WDFY2: variants seen among roughly 807,000 people sequenced by gnomAD.
The protein encoded by WDFY2 is WD repeat and FYVE domain-containing protein 2.
In WDFY2, 36 loss-of-function variants were observed where a neutral mutation model predicts 56.4. The ratio of observed to expected loss-of-function variants is 0.64; its 90% CI spans 0.49 to 0.84. The LOEUF is 0.84. Ranked by LOEUF, WDFY2 falls within the 40% of genes least tolerant of loss-of-function variation. WDFY2 has a pLI of 0.00. For missense variants in WDFY2, 444 were observed against 512.2 expected, an observed-to-expected ratio of 0.87 and a Z score of 1.29; for synonymous variants, 176 against 183.7, an observed-to-expected ratio of 0.96 and a Z score of 0.34.
chr13:51,703,105 C>T (rs968740437), intron 3 of WDFY2, among the ~76,000 whole-genome samples: 3 of 152,222 alleles, frequency 2.0e-5, no homozygotes, highest in South Asian at 2.1e-4. Flanking sequence ...GTACTGTGCC[C>T]GGTGTCCTGG....
At chr13:51,678,885 A>G (rs910117022) in intron 3 of WDFY2, among the ~76,000 whole-genome samples, 2 of 152,186 alleles carry the variant, frequency 1.3e-5, no homozygotes, top group African/African-American at 4.8e-5. Flanking sequence ...GTGGGAGATA[A>G]TGGTCTAGGG....
intron 1 of WDFY2, among the ~76,000 whole-genome samples, chr13:51,642,103 T>G (rs1316458313): frequency 6.6e-6 from 1 of 152,146 alleles, no homozygotes; most frequent in Non-Finnish European, 1.5e-5. Flanking sequence ...TATCTATATC[T>G]TAGACCTTTT....
intron 1 of WDFY2, among the ~76,000 whole-genome samples, chr13:51,608,636 G>A (rs1000081347): frequency 1.3e-5 from 2 of 152,114 alleles, no homozygotes; most frequent in African/African-American, 2.4e-5. Context: ...AGACGAGCTC[G>A]CACCACTGCA....
chr13:51,695,622 G>A (rs558261481), intron 3 of WDFY2, among the ~76,000 whole-genome samples: 16 of 152,330 alleles, frequency 1.1e-4, no homozygotes, highest in East Asian at 1.9e-4. Flanking sequence ...TAGGCTGCTC[G>A]GGGGTCAGGG....
chr13:51,656,350 G>A (rs937848863), intron 1 of WDFY2, among the ~76,000 whole-genome samples: 7 of 151,914 alleles, frequency 4.6e-5, no homozygotes, highest in Non-Finnish European at 7.4e-5. Flanking sequence ...TATACGTGGA[G>A]AAGATACTTT....
intron 3 of WDFY2, among the ~76,000 whole-genome samples, chr13:51,691,862 T>C (rs1418392681): frequency 1.2e-4 from 18 of 152,114 alleles, no homozygotes; most frequent in East Asian, 1.2e-3. Flanking sequence ...TTGTGTCCTC[T>C]TTTATTTCGT....
intron 3 of WDFY2, among the ~76,000 whole-genome samples, chr13:51,693,780 G>T (rs1034885119): frequency 2.0e-5 from 3 of 152,026 alleles, no homozygotes; most frequent in South Asian, 2.1e-4. Context: ...GTTGACAGTG[G>T]GGTGTTCAAG....
rs567074202 is a variant in WDFY2 at position 51,757,463 on chromosome 13, A to G, written c.1065-729A>G. On this transcript the variant is annotated intron_variant, in intron 10 of 11. Transcript: ENST00000298125. ...ATTTAGCTATAGAAAAAAGGAAAAAAAAAAATTGTCCTGAGAGCCCACTGC... is the reference window on the plus strand; with the variant it reads ...ATTTAGCTATAGAAAAAAGGAAAAAGAAAAATTGTCCTGAGAGCCCACTGC... Among the ~76,000 whole-genome samples the G allele has an allele frequency of 8.2e-3, 1,154 of 140,738 alleles. 4 individuals are homozygous for G. The highest frequency in any genetic ancestry group is 0.012 in the Non-Finnish European group (777 of 64,412). 92.3% of individuals were successfully genotyped at this position (140,738 alleles called of 152,430 possible). A position where few individuals can be genotyped will look rare whatever the true frequency, so the allele number is the denominator to read the frequency against.
chr13:51,718,008 A>T (rs1253057884), intron 4 of WDFY2, among the ~76,000 whole-genome samples: 1 of 152,218 alleles, frequency 6.6e-6, no homozygotes, highest in African/African-American at 2.4e-5. Context: ...CATTACAATG[A>T]TTAAGCTAGA....
intron 7 of WDFY2, among the ~76,000 whole-genome samples, chr13:51,741,844 C>T (rs1362632255): frequency 6.6e-6 from 1 of 152,182 alleles, no homozygotes; most frequent in Non-Finnish European, 1.5e-5. Flanking sequence ...CAGCAGGGAG[C>T]TGCTTAGCAC....
At chr13:51,734,536 C>T (rs1233214243) in intron 6 of WDFY2, among the ~76,000 whole-genome samples, 4 of 152,174 alleles carry the variant, frequency 2.6e-5, no homozygotes, top group African/African-American at 7.2e-5. Context: ...AATATTTTGG[C>T]GATTTTTTTA....
rs894491474 is a variant in WDFY2 at position 51,713,719 on chromosome 13, C to T, written c.335-5479C>T. On this transcript the variant is annotated intron_variant, in intron 4 of 11. Transcript: ENST00000298125. ...AAAAATTAGCCTGCGTGGTGGTGTG[C>T]GCCTGTAATCCCAGCTGCTTGGGAG... 1.2e-4 allele frequency among the ~76,000 whole-genome samples: 18 copies of T among 151,892 alleles called. 1 individual carries two copies. Among genetic ancestry groups the T allele is most frequent in the Middle Eastern group, 3.4e-3 (1 of 294 alleles).
intron 4 of WDFY2, among the ~76,000 whole-genome samples, chr13:51,706,860 A>G (rs940152134): frequency 2.0e-5 from 3 of 152,206 alleles, no homozygotes; most frequent in Non-Finnish European, 4.4e-5. Context: ...ATGAGTAAAT[A>G]TTAGCAGATA....
At chr13:51,608,223 T>C (rs1006903351) in intron 1 of WDFY2, among the ~76,000 whole-genome samples, 3 of 152,220 alleles carry the variant, frequency 2.0e-5, no homozygotes, top group Non-Finnish European at 4.4e-5. Context: ...AATATATTTG[T>C]TTATTTAATT....
At chr13:51,673,655 C>T (rs1465046659) in intron 2 of WDFY2, among the ~76,000 whole-genome samples, 2 of 151,932 alleles carry the variant, frequency 1.3e-5, no homozygotes, top group African/African-American at 4.8e-5. Context: ...TAATTCTGCA[C>T]ACATGTTATG....
intron 1 of WDFY2, among the ~76,000 whole-genome samples, chr13:51,653,607 C>G (rs1593939750): frequency 6.6e-6 from 1 of 151,896 alleles, no homozygotes; most frequent in South Asian, 2.1e-4. Context: ...TGTTTGTTAG[C>G]TTTTCTTCCT....
In WDFY2 at chr13:51,727,795, G is replaced by A. The variant is rs748586604; in HGVS notation, c.598+5G>A. 2.5e-6 allele frequency: 4 copies of A among 1,613,332 alleles called. No homozygotes were observed. In the South Asian group the frequency reaches 3.3e-5, roughly 13 times the overall value. The stretch of plus-strand genomic sequence containing the variant: ...CAACATTCAGAGGACACACAGGTAG[G>A]ATTAACAGTAAAATCGTCATGTGCT... On this transcript the variant is annotated splice_donor_5th_base_variant and intron_variant, in intron 6 of 11. Coordinates refer to ENST00000298125, the MANE Select transcript of WDFY2 (RefSeq NM_052950.4).
At position 51,644,714 on chromosome 13, in the gene WDFY2, G is replaced by GA. The variant is rs559455912; in HGVS notation, c.138-15873dup. Among the ~76,000 whole-genome samples, 1,377 of 151,464 alleles carry GA rather than the reference G, an allele frequency of 9.1e-3. 18 individuals are homozygous for GA. The highest frequency in any genetic ancestry group is 0.018 in the East Asian group (95 of 5,170). On this transcript the variant is annotated intron_variant, in intron 1 of 11. Transcript: ENST00000298125. ...ATTGCTGAGTTGCTACAGCTGTGAGGAAAAAAAAAGTCCAGGTGTATGATT... is the reference window on the plus strand; with the variant it reads ...ATTGCTGAGTTGCTACAGCTGTGAGGAAAAAAAAAAGTCCAGGTGTATGATT...
At chr13:51,723,686 T>A (rs1179547326) in intron 5 of WDFY2, among the ~76,000 whole-genome samples, 1 of 152,214 alleles carries the variant, frequency 6.6e-6, no homozygotes, top group Admixed American at 6.5e-5. Context: ...AGCTTCCCAT[T>A]ATAAGGCACA....
Sources: allele counts gnomAD v4.1 joint callset (sites outside exome capture counted in the v4.1 genomes callset), GRCh38; gene constraint gnomAD v4.1.1; transcripts MANE v1.5; gene names NCBI Gene and HGNC (gene_info 2026-07-23, HGNC 2026-07-21).